FHIP2A: variants seen among roughly 807,000 people sequenced by gnomAD.
FHIP2A encodes the protein FHF complex subunit HOOK interacting protein 2A, also known as family with sequence similarity 160 member B1.
Under a neutral mutation model 93.5 loss-of-function variants are expected in FHIP2A, and 46 were observed. The ratio of observed to expected loss-of-function variants is 0.49; its 90% CI spans 0.39 to 0.63. The LOEUF (loss-of-function observed/expected upper bound fraction) is 0.63. Ranked by LOEUF, FHIP2A falls within the 20% of genes least tolerant of loss-of-function variation. FHIP2A has a pLI of 0.00. For missense variants in FHIP2A, 769 were observed against 909.7 expected (o/e 0.85, Z 1.99); for synonymous variants, 332 against 326.5 (o/e 1.02, Z -0.18).
chr10:114,882,520 G>C (rs544549628), intron 16 of FHIP2A, among the ~76,000 whole-genome samples: 2 of 152,128 alleles, frequency 1.3e-5, no homozygotes, highest in East Asian at 3.9e-4. Flanking sequence ...ATTTTGTTTG[G>C]GGGGGTCAGA....
At chr10:114,869,696 G>C (rs1036378039), downstream of FHIP2A, among the ~76,000 whole-genome samples, 11 of 152,042 alleles carry the variant, frequency 7.2e-5, no homozygotes, top group African/African-American at 2.7e-4. Flanking sequence ...TGAAAATACT[G>C]TTGGCAACAG....
chr10:114,887,495 GACAA>G (rs2083949057), intron 16 of FHIP2A, among the ~76,000 whole-genome samples: 1 of 152,218 alleles, frequency 6.6e-6, no homozygotes, highest in African/African-American at 2.4e-5. Flanking sequence ...CTAACGCACA[GACAA>G]ACAATTTGCC....
At chr10:114,872,773 A>T (rs777415474) in intron 16 of FHIP2A, among the ~76,000 whole-genome samples, 2 of 152,320 alleles carry the variant, frequency 1.3e-5, no homozygotes, top group South Asian at 4.1e-4. Flanking sequence ...TCCAAATGCA[A>T]TGGAGTACTA....
chr10:114,877,317 A>G (rs1159063038), intron 16 of FHIP2A, among the ~76,000 whole-genome samples: 2 of 152,164 alleles, frequency 1.3e-5, no homozygotes, highest in Non-Finnish European at 2.9e-5. Flanking sequence ...ACGAGTTTCC[A>G]AATTCATTCA....
intron 8 of FHIP2A, 104 bp from the exon 9 acceptor site, chr10:114,845,909 C>A: frequency 1.1e-6 from 1 of 884,754 alleles, no homozygotes; most frequent in Non-Finnish European, 1.7e-6. Flanking sequence ...CAAGTTTTGT[C>A]TTTCCACATT....
chr10:114,899,185 C>T (rs151091542), intron 16 of FHIP2A, among the ~76,000 whole-genome samples: 1,879 of 152,272 alleles, frequency 0.012, 22 homozygotes, highest in Admixed American at 0.018. Context: ...AGAAAGAAAA[C>T]ATTGTTATTT....
At chr10:114,855,740 AATCAC>A (rs1233602025) in intron 14 of FHIP2A, among the ~76,000 whole-genome samples, 1 of 152,196 alleles carries the variant, frequency 6.6e-6, no homozygotes, top group Non-Finnish European at 1.5e-5. Context: ...GTCTCAGTAA[AATCAC>A]AGAATAGTGT....
chr10:114,853,327 T>A (rs1047913993), intron 13 of FHIP2A, among the ~76,000 whole-genome samples: 5 of 152,376 alleles, frequency 3.3e-5, no homozygotes, highest in African/African-American at 1.2e-4. Flanking sequence ...CTGAAAAATG[T>A]ACATTTAATT....
rs1167453834 is a variant in FHIP2A, at chr10:114,861,826, G to A, written c.*286G>A. ...GGAAATAAGCATTTCTAATGACTGTGAAAAGCTGCAATATTTCCAATGTCA... is the reference window on the plus strand; with the variant it reads ...GGAAATAAGCATTTCTAATGACTGTAAAAAGCTGCAATATTTCCAATGTCA... On this transcript the variant is annotated 3_prime_UTR_variant, in exon 17 of 17. Transcript: ENST00000369248. 7.6e-6 allele frequency: 8 copies of A among 1,052,734 alleles called. No homozygotes were observed. The highest frequency in any genetic ancestry group is 8.0e-6 in the Non-Finnish European group (7 of 873,226). The allele number at this position is 1,052,734 out of a possible 1,614,324, so 65.2% of individuals were successfully genotyped here. A position where few individuals can be genotyped will look rare whatever the true frequency, so the allele number is the denominator to read the frequency against.
At chr10:114,833,935 G>T (rs1392597588) in intron 3 of FHIP2A, among the ~76,000 whole-genome samples, 1 of 152,158 alleles carries the variant, frequency 6.6e-6, no homozygotes, top group Non-Finnish European at 1.5e-5. Flanking sequence ...CCGAGTAAGG[G>T]AACGGGAGAG....
chr10:114,896,215 A>T (rs191223311), intron 16 of FHIP2A, among the ~76,000 whole-genome samples: 1 of 152,262 alleles, frequency 6.6e-6, no homozygotes, highest in Admixed American at 6.5e-5. Context: ...AAAAGGTAAT[A>T]GAAAACTATA....
chr10:114,843,333 T>C (rs1338808677), intron 6 of FHIP2A, 107 bp downstream of exon 6: 34 of 602,474 alleles, frequency 5.6e-5, no homozygotes, highest in South Asian at 8.0e-5. Flanking sequence ...TGAGATGGAG[T>C]CTTGCTGTGT....
chr10:114,846,168 T>C lies in FHIP2A; in HGVS notation c.1206-7T>C, dbSNP rs1432971886. On this transcript the variant is annotated splice_region_variant and splice_polypyrimidine_tract_variant and intron_variant, in intron 9 of 16. Coordinates refer to ENST00000369248, the MANE Select transcript of FHIP2A (RefSeq NM_020940.4). ...TTGCCCACTGACTACCTGTTCATTGTGCTCAGTTCTGAGATGGGTATTCTC... is the reference window on the plus strand; with the variant it reads ...TTGCCCACTGACTACCTGTTCATTGCGCTCAGTTCTGAGATGGGTATTCTC... 6.2e-7 allele frequency: 1 copy of C among 1,613,860 alleles called. No individual in the cohort carries two copies. The highest frequency in any genetic ancestry group is 1.3e-5 in the African/African-American group (1 of 74,922).
chr10:114,861,220 CTG>C lies in FHIP2A; in HGVS notation c.2089-8_2089-7del. ...TTTCAGGAACTGAAGTGCCTTGCCT[CTG>C]TGATGCAGGTTGTTGGAGACCTTAT... On this transcript the variant is annotated splice_polypyrimidine_tract_variant and intron_variant, in intron 15 of 16. Transcript: ENST00000369248. 1 of 1,613,804 alleles carries C rather than the reference CTG, an allele frequency of 6.2e-7. No individual in the cohort carries two copies. The highest frequency in any genetic ancestry group is 8.5e-7 in the Non-Finnish European group (1 of 1,179,908).
In FHIP2A at chr10:114,845,448, T is replaced by C. The variant is rs143271637; in HGVS notation, c.1095T>C (p.Asp365=). The change falls in exon 8 of 17, where the codon GAT becomes GAC. Residue 365 remains aspartate, a synonymous_variant. Coordinates refer to ENST00000369248, the MANE Select transcript of FHIP2A (RefSeq NM_020940.4). ...TAATTTCATTTCTTTCCTGGTTTGA[T>C]TATTGTGATCAGCTCATTAAGGAAG... ...RALISFLSWF[D]YCDQLIKEAQ... 4.1e-4 allele frequency: 658 copies of C among 1,613,330 alleles called. 3 individuals are homozygous for C. In the African/African-American group the frequency reaches 7.0e-3, roughly 17 times the overall value.
Position 114,833,316 on chromosome 10 carries a change from C to T in FHIP2A, c.208C>T (p.Arg70Trp), listed in dbSNP as rs776446146. The change falls in exon 3 of 17, where the codon CGG becomes TGG. Residue 70 changes from arginine (R) to tryptophan (W), a missense_variant. Physicochemically the swap from Arg to Trp is moderately radical, Grantham distance 101. Coordinates refer to ENST00000369248, the MANE Select transcript of FHIP2A (RefSeq NM_020940.4). ...LDILVQEENE[R>W]ESGETGPCME... The stretch of plus-strand genomic sequence containing the variant: ...TATACTGGTTCAAGAAGAAAATGAA[C>T]GGGAATCTGGAGAGACAGGGCCATG... The T allele has an allele frequency of 1.3e-5, 21 of 1,613,404 alleles. No individual in the cohort carries two copies. Among genetic ancestry groups the T allele is most frequent in the South Asian group, 3.3e-5 (3 of 91,068 alleles).
intron 11 of FHIP2A, 38 bp downstream of exon 11, chr10:114,846,766 T>C (rs765612514): frequency 3.3e-6 from 5 of 1,524,268 alleles, no homozygotes; most frequent in Non-Finnish European, 4.4e-6. Flanking sequence ...CAGCATTTCA[T>C]GTAGAGATAG....
At chr10:114,857,685 G>C (rs1661914709) in intron 14 of FHIP2A, among the ~76,000 whole-genome samples, 1 of 151,724 alleles carries the variant, frequency 6.6e-6, no homozygotes, top group African/African-American at 2.4e-5. Context: ...TTCCTAATAG[G>C]GTCTAGGTAA....
intron 16 of FHIP2A, among the ~76,000 whole-genome samples, chr10:114,886,808 G>A (rs763769146): frequency 9.9e-5 from 15 of 152,088 alleles, no homozygotes; most frequent in Non-Finnish European, 2.1e-4. Flanking sequence ...GCCTCCCAAA[G>A]TACTGTGAGC....
Sources: allele counts gnomAD v4.1 joint callset (sites outside exome capture counted in the v4.1 genomes callset), GRCh38; gene constraint gnomAD v4.1.1; transcripts MANE v1.5; gene names NCBI Gene and HGNC (gene_info 2026-07-23, HGNC 2026-07-21).